MYO6: variants seen among roughly 807,000 people sequenced by gnomAD.
The protein encoded by MYO6 is myosin VI.
Under a neutral mutation model 178.7 loss-of-function variants are expected in MYO6, and 74 were observed. That is an observed-to-expected ratio of 0.41 (90% CI 0.34 to 0.50). MYO6 has a LOEUF of 0.50. Among genes scored for constraint, MYO6 ranks in the 20% least tolerant of loss-of-function variants. The pLI, the probability that MYO6 is intolerant of heterozygous loss-of-function variation, is 0.09. For synonymous variants in MYO6, 477 were observed against 504.6 expected (o/e 0.95, Z 0.73); for missense variants, 1,330 against 1,547.4 (o/e 0.86, Z 2.36).
rs759683175 is a variant in MYO6 at position 75,840,573 on chromosome 6, G to A, written c.554-12G>A. Reference sequence around the variant, plus strand: ...TGCTAATTTTTTGATGGATTTTTTTGTTTCTCAATAGCTAACCCACTCCTA... The same window carrying A: ...TGCTAATTTTTTGATGGATTTTTTTATTTCTCAATAGCTAACCCACTCCTA... On this transcript the variant is annotated splice_polypyrimidine_tract_variant and intron_variant, in intron 7 of 34. Coordinates refer to ENST00000369977, the MANE Select transcript of MYO6 (RefSeq NM_004999.4). The A allele has an allele frequency of 6.3e-7, 1 of 1,594,874 alleles. No homozygotes were observed. The highest frequency in any genetic ancestry group is 8.6e-7 in the Non-Finnish European group (1 of 1,162,706).
intron 33 of MYO6, among the ~76,000 whole-genome samples, chr6:75,913,156 G>A (rs762745487): frequency 6.6e-6 from 1 of 152,116 alleles, no homozygotes; most frequent in Non-Finnish European, 1.5e-5. Flanking sequence ...AGTTCTGTGA[G>A]TATAAAACAG....
intron 5 of MYO6, among the ~76,000 whole-genome samples, chr6:75,831,656 T>G (rs1168026771): frequency 3.9e-5 from 6 of 151,996 alleles, no homozygotes; most frequent in African/African-American, 9.7e-5. Context: ...TCCAAGCACT[T>G]CGGGGAGGGC....
chr6:75,769,937 G>C (rs1765704265), intron 1 of MYO6, among the ~76,000 whole-genome samples: 1 of 152,024 alleles, frequency 6.6e-6, no homozygotes, highest in Non-Finnish European at 1.5e-5. Context: ...AGTGCCTGTG[G>C]CTTTTCCAGG....
At chr6:75,768,526 G>T (rs919350114) in intron 1 of MYO6, among the ~76,000 whole-genome samples, 1 of 151,620 alleles carries the variant, frequency 6.6e-6, no homozygotes, top group Non-Finnish European at 1.5e-5. Context: ...GACTACAGGC[G>T]CCTGCCACTA....
chr6:75,904,480 A>G (rs1391512585), intron 30 of MYO6, among the ~76,000 whole-genome samples: 1 of 151,644 alleles, frequency 6.6e-6, no homozygotes, highest in East Asian at 1.9e-4. Context: ...CATTCATTTC[A>G]TCTTCCATCG....
intron 1 of MYO6, among the ~76,000 whole-genome samples, chr6:75,750,223 T>C (rs1406480689): frequency 6.6e-6 from 1 of 151,130 alleles, no homozygotes; most frequent in Admixed American, 6.6e-5. Context: ...GCCTCCCGAG[T>C]AGCTGGGATT....
intron 3 of MYO6, among the ~76,000 whole-genome samples, chr6:75,826,363 C>A (rs3798447): frequency 2.0e-5 from 3 of 151,960 alleles, no homozygotes; most frequent in Non-Finnish European, 2.9e-5. Context: ...AACACACATC[C>A]CTGAAAAGGT....
intron 2 of MYO6, among the ~76,000 whole-genome samples, 188 bp downstream of exon 2, chr6:75,817,852 C>G (rs1771445265): frequency 6.6e-6 from 1 of 152,070 alleles, no homozygotes; most frequent in Non-Finnish European, 1.5e-5. Context: ...AAATGGTGCC[C>G]TATGATAAAA....
rs562031724 is a variant in MYO6 at position 75,817,722 on chromosome 6, T to C, written c.117+58T>C. 3.1e-5 allele frequency: 44 copies of C among 1,439,030 alleles called. No individual in the cohort carries two copies. In the East Asian group the frequency reaches 3.6e-4, roughly 12 times the overall value. The allele number at this position is 1,439,030 out of a possible 1,614,324, so 89.1% of individuals were successfully genotyped here. A position where few individuals can be genotyped will look rare whatever the true frequency, so the allele number is the denominator to read the frequency against. On this transcript the variant is annotated intron_variant, in intron 2 of 34. Coordinates refer to ENST00000369977, the MANE Select transcript of MYO6 (RefSeq NM_004999.4). ...TTCTTTCAAAAATAGGTGTTTTTTT[T>C]CACAAGAGTAAGGTCTGTCTTCTTA...
At chr6:75,903,867 G>C (rs1214910792) in intron 30 of MYO6, among the ~76,000 whole-genome samples, 1 of 151,430 alleles carries the variant, frequency 6.6e-6, no homozygotes, top group Non-Finnish European at 1.5e-5. Context: ...GGCTGGTACC[G>C]GTTGTTCCTT....
chr6:75,864,365 C>T (rs866028857), intron 16 of MYO6, among the ~76,000 whole-genome samples: 1 of 152,322 alleles, frequency 6.6e-6, no homozygotes, highest in Non-Finnish European at 1.5e-5. Context: ...TAAAATCTCA[C>T]ATCCACCTGC....
chr6:75,760,641 A>T (rs1235690230), intron 1 of MYO6, among the ~76,000 whole-genome samples: 3 of 152,014 alleles, frequency 2.0e-5, no homozygotes, highest in Non-Finnish European at 4.4e-5. Context: ...TATGTTTCCC[A>T]GCTTGTCTTT....
At chr6:75,823,158 T>C (rs1042555556) in intron 3 of MYO6, among the ~76,000 whole-genome samples, 4 of 152,212 alleles carry the variant, frequency 2.6e-5, no homozygotes, top group Admixed American at 6.5e-5. Context: ...TGAACCTTAT[T>C]TAGAGTCAGG....
chr6:75,892,535 A>C lies in MYO6; in HGVS notation c.2952A>C (p.Glu984Asp). 6.2e-7 allele frequency: 1 copy of C among 1,614,060 alleles called. No individual in the cohort carries two copies. The highest frequency in any genetic ancestry group is 1.3e-5 in the African/African-American group (1 of 75,058). The stretch of plus-strand genomic sequence containing the variant: ...TAGCTTTCTGCCCTTGTCAGGCTGA[A>C]GTGGAGGCACAGCTGGCCCGACAGA... ...REDDEKRIQA[E>D]VEAQLARQKE... The change falls in exon 28 of 35, where the codon GAA becomes GAC. Residue 984 changes from glutamate to aspartate, a missense_variant. Coordinates refer to ENST00000369977, the MANE Select transcript of MYO6 (RefSeq NM_004999.4).
rs772385437 is a variant in MYO6, at chr6:75,858,874, A to G, written c.1382-28A>G. The G allele has an allele frequency of 1.7e-5, 22 of 1,330,652 alleles. No homozygotes were observed. The South Asian group carries it at 2.5e-4, about 15-fold the overall frequency. 82.4% of individuals were successfully genotyped at this position (1,330,652 alleles called of 1,614,324 possible). On this transcript the variant is annotated intron_variant, in intron 13 of 34. Coordinates refer to ENST00000369977, the MANE Select transcript of MYO6 (RefSeq NM_004999.4). Reference sequence around the variant, plus strand: ...TTTATATGAAGTTGATCTCATAATGACTCTTGGTTCTGGTTTTATATTTTC... The same window carrying G: ...TTTATATGAAGTTGATCTCATAATGGCTCTTGGTTCTGGTTTTATATTTTC...
intron 1 of MYO6, among the ~76,000 whole-genome samples, chr6:75,757,420 G>C (rs1370152852): frequency 1.3e-5 from 2 of 150,580 alleles, no homozygotes; most frequent in Non-Finnish European, 3.0e-5. Flanking sequence ...CATAGAGACA[G>C]ACTTCTGATG....
At chr6:75,900,482 G>A (rs556827778) in intron 30 of MYO6, among the ~76,000 whole-genome samples, 33 of 152,262 alleles carry the variant, frequency 2.2e-4, no homozygotes, top group African/African-American at 7.9e-4. Flanking sequence ...TTCTCTGATG[G>A]CCAGTGATGG....
chr6:75,821,735 A>G (rs79456596), intron 2 of MYO6, among the ~76,000 whole-genome samples: 2,663 of 152,276 alleles, frequency 0.017, 74 homozygotes, highest in African/African-American at 0.06. Flanking sequence ...CTTCAGCCAC[A>G]AGAGTAATTG....
At chr6:75,908,774 C>T in intron 32 of MYO6, 147 bp downstream of exon 32, 1 of 751,680 alleles carries the variant, frequency 1.3e-6, no homozygotes, top group South Asian at 1.7e-5. Context: ...GCCTTGATGG[C>T]CTATCTTTTA....
Sources: allele counts gnomAD v4.1 joint callset (sites outside exome capture counted in the v4.1 genomes callset), GRCh38; gene constraint gnomAD v4.1.1; transcripts MANE v1.5; gene names NCBI Gene and HGNC (gene_info 2026-07-23, HGNC 2026-07-21).